Variants in PCDHA1 observed in about 807,000 individuals in gnomAD.
The protein encoded by PCDHA1 is protocadherin alpha-1.
A neutral mutation model predicts 61.3 loss-of-function variants in PCDHA1; 42 were observed. That is an observed-to-expected ratio of 0.69 (90% CI 0.54 to 0.89). PCDHA1 has a LOEUF of 0.89. Among genes scored for constraint, PCDHA1 ranks in the 40% least tolerant of loss-of-function variants. The pLI, the probability that PCDHA1 is intolerant of heterozygous loss-of-function variation, is 0.00. For synonymous variants in PCDHA1, 610 were observed against 553.8 expected, an observed-to-expected ratio of 1.10 and a Z score of -1.43; for missense variants, 1,256 against 1,235.3, an observed-to-expected ratio of 1.02 and a Z score of -0.25.
At chr5:140,841,722 G>T in intron 1 of PCDHA1, 1 of 1,613,870 alleles carries the variant, frequency 6.2e-7, no homozygotes, top group Non-Finnish European at 8.5e-7. Flanking sequence ...CCAGTGTTCC[G>T]GGTAAAAGAC....
chr5:140,955,452 G>C (rs921510611), intron 1 of PCDHA1, among the ~76,000 whole-genome samples: 3 of 152,024 alleles, frequency 2.0e-5, no homozygotes, highest in Non-Finnish European at 4.4e-5. Context: ...TTTTATAAGG[G>C]CTTTTTCCTT....
At chr5:140,882,767 G>GC in intron 1 of PCDHA1, 1 of 1,614,176 alleles carries the variant, frequency 6.2e-7, no homozygotes, top group Non-Finnish European at 8.5e-7. Context: ...AGTAAACTCG[G>GC]CATTGACCTA....
chr5:140,801,062 G>C (rs1554121267), intron 1 of PCDHA1: 7 of 1,455,288 alleles, frequency 4.8e-6, no homozygotes, highest in Non-Finnish European at 6.3e-6. Flanking sequence ...CGTGCATTAC[G>C]TATTCAGATA....
At chr5:140,861,726 T>C (rs571512824) in intron 1 of PCDHA1, 11 of 216,910 alleles carry the variant, frequency 5.1e-5, no homozygotes, top group African/African-American at 2.6e-4. Flanking sequence ...AATGCTCTGA[T>C]GACTTACATA....
At chr5:140,971,630 C>A (rs1281130153) in intron 1 of PCDHA1, among the ~76,000 whole-genome samples, 1 of 151,972 alleles carries the variant, frequency 6.6e-6, no homozygotes, top group Non-Finnish European at 1.5e-5. Context: ...ACAATTAGTA[C>A]CATGTGCCTA....
At chr5:140,854,296 G>T in intron 1 of PCDHA1, 4 of 437,926 alleles carry the variant, frequency 9.1e-6, no homozygotes, top group Non-Finnish European at 1.2e-5. Context: ...TTATTATTTT[G>T]TGCGTGGAGA....
chr5:140,902,666 C>A (rs1554190555), intron 1 of PCDHA1, among the ~76,000 whole-genome samples: 1 of 152,122 alleles, frequency 6.6e-6, no homozygotes, highest in Non-Finnish European at 1.5e-5. Context: ...GTCACCCAAG[C>A]AGTGTACACC....
intron 1 of PCDHA1, among the ~76,000 whole-genome samples, chr5:140,895,474 C>T (rs947771616): frequency 2.1e-4 from 32 of 152,154 alleles, no homozygotes; most frequent in African/African-American, 7.0e-4. Flanking sequence ...TTATCCTCTT[C>T]GGAGAAATAC....
rs782647258 is a variant in PCDHA1 at position 140,869,948 on chromosome 5, T to A, written c.2394+81264T>A. The A allele has an allele frequency of 3.7e-6, 6 of 1,612,586 alleles. No individual in the cohort carries two copies. The South Asian group carries it at 5.5e-5, about 15-fold the overall frequency. ...AATGGAGAGGTAACATACTCCTTAA[T>A]GTCAATTAAGCCCAATGGAAGACAC... On this transcript the variant is annotated intron_variant, in intron 1 of 3. Coordinates refer to ENST00000504120, the MANE Select transcript of PCDHA1 (RefSeq NM_018900.4).
chr5:140,829,050 T>C (rs1554131730), intron 1 of PCDHA1: 3 of 1,613,108 alleles, frequency 1.9e-6, no homozygotes, highest in African/African-American at 2.7e-5. Context: ...AAAATCCTCA[T>C]TGACGCCACG....
chr5:140,836,700 A>G (rs1488520906), intron 1 of PCDHA1: 1 of 1,613,320 alleles, frequency 6.2e-7, no homozygotes, highest in African/African-American at 1.3e-5. Context: ...CATGGCCTTC[A>G]GTCCCAGCCT....
chr5:140,926,358 A>C (rs1157995876), intron 1 of PCDHA1: 1 of 152,230 alleles, frequency 6.6e-6, no homozygotes, highest in Non-Finnish European at 1.5e-5. Context: ...CGGCTCCCAA[A>C]GGGCGGCAGG....
chr5:141,004,142 G>A (rs1323224367), intron 3 of PCDHA1, among the ~76,000 whole-genome samples: 2 of 152,214 alleles, frequency 1.3e-5, no homozygotes, highest in African/African-American at 4.8e-5. Flanking sequence ...TGCCCCAAAG[G>A]CATGACATTT....
chr5:140,972,260 C>T (rs155805), intron 1 of PCDHA1, among the ~76,000 whole-genome samples: 8,116 of 151,624 alleles, frequency 0.054, 294 homozygotes, highest in Middle Eastern at 0.15. Flanking sequence ...ACACATCAGC[C>T]TCCTGAGTAG....
Position 140,855,877 on chromosome 5 carries a change from C to T in PCDHA1, c.2394+67193C>T, listed in dbSNP as rs577890350. 6.7e-6 allele frequency: 6 copies of T among 897,114 alleles called. No individual in the cohort carries two copies. In the South Asian group the frequency reaches 1.2e-4, roughly 18 times the overall value. The allele number at this position is 897,114 out of a possible 1,614,324, so 55.6% of individuals were successfully genotyped here. A position where few individuals can be genotyped will look rare whatever the true frequency, so the allele number is the denominator to read the frequency against. On this transcript the variant is annotated intron_variant, in intron 1 of 3. Transcript: ENST00000504120. ...GATGTCGCTGTCGTCCACAAAATAGCTTTTTAGAACAAAGGCATCAGCCAG... is the reference window on the plus strand; with the variant it reads ...GATGTCGCTGTCGTCCACAAAATAGTTTTTTAGAACAAAGGCATCAGCCAG...
At chr5:140,807,055 A>T in intron 1 of PCDHA1, 3 of 1,064,666 alleles carry the variant, frequency 2.8e-6, no homozygotes, top group Non-Finnish European at 4.1e-6. Flanking sequence ...TTCTATTCTT[A>T]CTGGAAGGAA....
chr5:140,895,861 G>C (rs1248344470), intron 1 of PCDHA1, among the ~76,000 whole-genome samples: 2 of 152,184 alleles, frequency 1.3e-5, no homozygotes, highest in African/African-American at 4.8e-5. Context: ...CCCCAGGCTG[G>C]AGTGCAATGG....
intron 1 of PCDHA1, chr5:140,857,918 G>A: frequency 3.1e-6 from 5 of 1,597,824 alleles, no homozygotes; most frequent in Non-Finnish European, 4.3e-6. Context: ...GTTTCGCGTG[G>A]GGCTGTACAC....
intron 1 of PCDHA1, among the ~76,000 whole-genome samples, chr5:140,959,857 T>G (rs1287315295): frequency 1.3e-5 from 2 of 152,204 alleles, no homozygotes; most frequent in African/African-American, 2.4e-5. Flanking sequence ...AAAGGAATTA[T>G]GTAGCAAAAT....
Sources: gnomAD v4.1 joint callset for allele counts (sites outside exome capture counted in the v4.1 genomes callset) on GRCh38, gnomAD v4.1.1 for gene constraint, MANE v1.5 for transcripts, NCBI Gene and HGNC (gene_info 2026-07-23, HGNC 2026-07-21) for gene names.